The following ANO3 variants were observed in gnomAD, a reference collection of about 807,000 sequenced individuals.
ANO3 encodes anoctamin-3.
Under a neutral mutation model 144.8 loss-of-function variants are expected in ANO3, and 99 were observed. The ratio of observed to expected loss-of-function variants is 0.68; its 90% CI spans 0.58 to 0.81. The LOEUF (loss-of-function observed/expected upper bound fraction) is 0.81, where lower values mean the gene tolerates loss of function less well. Ranked by LOEUF, ANO3 falls within the 30% of genes least tolerant of loss-of-function variation. The pLI, the probability that ANO3 is intolerant of heterozygous loss-of-function variation, is 0.00. For missense variants in ANO3, 905 were observed against 1,202.2 expected (o/e 0.75, Z 3.66); for synonymous variants, 414 against 392.6 (o/e 1.05, Z -0.64).
At chr11:26,544,523 T>C (rs1443273982) in intron 11 of ANO3, among the ~76,000 whole-genome samples, 3 of 151,408 alleles carry the variant, frequency 2.0e-5, no homozygotes, top group African/African-American at 7.3e-5. Context: ...AGATCTATTG[T>C]ACCACATGGT....
chr11:26,591,554 G>C (rs781706728), intron 14 of ANO3, among the ~76,000 whole-genome samples: 1 of 152,116 alleles, frequency 6.6e-6, no homozygotes, highest in Non-Finnish European at 1.5e-5. Context: ...GGTGAAAGTG[G>C]GGTCTCCTTT....
At chr11:26,361,333 C>T (rs1192478588) in intron 1 of ANO3, among the ~76,000 whole-genome samples, 1 of 152,120 alleles carries the variant, frequency 6.6e-6, no homozygotes, top group Non-Finnish European at 1.5e-5. Context: ...TTTTTCCAGG[C>T]TTTGTCCTAT....
At chr11:26,510,187 A>ATTAAAATC (rs1219964804) in intron 5 of ANO3, among the ~76,000 whole-genome samples, 1 of 151,764 alleles carries the variant, frequency 6.6e-6, no homozygotes, top group East Asian at 1.9e-4. Context: ...ATTTATGTTT[A>ATTAAAATC]TTAAAATCCT....
At chr11:26,580,249 TA>T (rs879851189) in intron 14 of ANO3, among the ~76,000 whole-genome samples, 5 of 152,114 alleles carry the variant, frequency 3.3e-5, no homozygotes, top group Non-Finnish European at 5.9e-5. Context: ...ATATGATGTT[TA>T]AAAAATATTT....
intron 5 of ANO3, among the ~76,000 whole-genome samples, chr11:26,513,291 T>G (rs2134146658): frequency 6.6e-6 from 1 of 152,314 alleles, no homozygotes; most frequent in African/African-American, 2.4e-5. Flanking sequence ...TACATTTAAA[T>G]AGGTCATCCT....
At chr11:26,341,174 C>T (rs906591507) in intron 1 of ANO3, among the ~76,000 whole-genome samples, 5 of 150,910 alleles carry the variant, frequency 3.3e-5, no homozygotes, top group South Asian at 2.1e-4. Context: ...TGCAAAACAG[C>T]GGGCTTTGCT....
chr11:26,225,267 G>A (rs1852233667), intron 1 of ANO3, among the ~76,000 whole-genome samples: 1 of 152,008 alleles, frequency 6.6e-6, no homozygotes, highest in Non-Finnish European at 1.5e-5. Context: ...AAGCTCGTAT[G>A]ATTTGTGAGC....
chr11:26,476,015 T>C (rs763104757), intron 4 of ANO3, among the ~76,000 whole-genome samples: 1 of 152,102 alleles, frequency 6.6e-6, no homozygotes, highest in Admixed American at 6.6e-5. Context: ...AGTTGAGGCC[T>C]GAGAATTTGC....
In ANO3 at chr11:26,508,180, A is replaced by G; in HGVS notation, c.509A>G (p.Tyr170Cys). 2 of 1,606,560 alleles carry G rather than the reference A, an allele frequency of 1.2e-6. No individual in the cohort carries two copies. Among genetic ancestry groups the G allele is most frequent in the Non-Finnish European group, 1.7e-6 (2 of 1,177,836 alleles). ...GKKRIDYILVYRKTNIQYDKR... is the reference protein window; with the variant it reads ...GKKRIDYILVCRKTNIQYDKR... ...AAGAGAATTGATTACATCTTGGTTT[A>G]TAGAAAGACAAATATACAATATGAT... The change falls in exon 5 of 27, where the codon TAT (tyrosine) becomes TGT (cysteine). Residue 170 changes from tyrosine (Y) to cysteine (C), a missense_variant. Transcript: ENST00000256737.
intron 3 of ANO3, 38 bp from the exon 4 acceptor site, chr11:26,462,987 AAAACT>A: frequency 9.2e-7 from 1 of 1,082,742 alleles, no homozygotes; most frequent in Non-Finnish European, 1.3e-6. Context: ...AAAAAAGAGA[AAAACT>A]ATAGAAATGG....
chr11:26,606,114 C>T (rs1851928646), intron 17 of ANO3, among the ~76,000 whole-genome samples: 1 of 152,166 alleles, frequency 6.6e-6, no homozygotes, highest in Admixed American at 6.5e-5. Flanking sequence ...TTAGCTGTGT[C>T]CCAGAGATTC....
intron 1 of ANO3, among the ~76,000 whole-genome samples, chr11:26,279,621 A>G (rs1853634669): frequency 6.6e-6 from 1 of 152,184 alleles, no homozygotes; most frequent in Admixed American, 6.6e-5. Context: ...CATTTCTGTG[A>G]GCTCTGTTTC....
chr11:26,440,183 G>A (rs759513498), intron 1 of ANO3, among the ~76,000 whole-genome samples: 1 of 152,074 alleles, frequency 6.6e-6, no homozygotes, highest in East Asian at 1.9e-4. Context: ...AGTGATTCAC[G>A]ATCAAGCAGC....
intron 14 of ANO3, among the ~76,000 whole-genome samples, chr11:26,582,811 G>A (rs1361961666): frequency 6.6e-6 from 1 of 152,128 alleles, no homozygotes; most frequent in East Asian, 1.9e-4. Context: ...AAGTAAATAA[G>A]ACAAGGTGCT....
intron 6 of ANO3, among the ~76,000 whole-genome samples, chr11:26,523,174 C>T (rs1275935250): frequency 1.3e-5 from 2 of 152,156 alleles, no homozygotes; most frequent in African/African-American, 4.8e-5. Flanking sequence ...AACTCACTCA[C>T]TATCATGAGA....
chr11:26,642,342 C>CTTTTTTTTTTTTTT (rs576729432), intron 22 of ANO3, among the ~76,000 whole-genome samples: 4 of 93,062 alleles, frequency 4.3e-5, no homozygotes, highest in Admixed American at 1.2e-4. Context: ...TTCTTTCTTT[C>CTTTTTTTTTTTTTT]TTTTTTTTTT....
At chr11:26,476,079 G>C (rs1050396390) in intron 4 of ANO3, among the ~76,000 whole-genome samples, 27 of 152,026 alleles carry the variant, frequency 1.8e-4, no homozygotes, top group African/African-American at 6.5e-4. Flanking sequence ...GCACATTTGA[G>C]AACCATTGTC....
intron 1 of ANO3, among the ~76,000 whole-genome samples, chr11:26,397,972 T>G (rs1010011640): frequency 6.6e-6 from 1 of 151,754 alleles, no homozygotes; most frequent in Non-Finnish European, 1.5e-5. Context: ...GAAGAAAACC[T>G]GCTCCCTTCA....
intron 1 of ANO3, among the ~76,000 whole-genome samples, chr11:26,355,408 C>CT: frequency 6.6e-6 from 1 of 151,942 alleles, no homozygotes; most frequent in East Asian, 1.9e-4. Context: ...TTTAAAGAGT[C>CT]TAATATCATT....
Sources: gnomAD v4.1 joint callset for allele counts (sites outside exome capture counted in the v4.1 genomes callset) on GRCh38, gnomAD v4.1.1 for gene constraint, MANE v1.5 for transcripts, NCBI Gene and HGNC (gene_info 2026-07-23, HGNC 2026-07-21) for gene names.